SGSM3: variants seen among roughly 807,000 people sequenced by gnomAD.
SGSM3 encodes the protein small G protein signaling modulator 3.
A neutral mutation model predicts 100.5 loss-of-function variants in SGSM3; 96 were observed. The ratio of observed to expected loss-of-function variants is 0.96; its 90% CI spans 0.81 to 1.13. The LOEUF (loss-of-function observed/expected upper bound fraction) is 1.13, where lower values mean the gene tolerates loss of function less well. Ranked by LOEUF, SGSM3 falls within the 50% of genes most tolerant of loss-of-function variation. The pLI, the probability that SGSM3 is intolerant of heterozygous loss-of-function variation, is 0.00. For missense variants in SGSM3, 1,001 were observed against 1,015.8 expected (o/e 0.99, Z 0.20); for synonymous variants, 483 against 422.8 (o/e 1.14, Z -1.75).
Position 40,406,132 on chromosome 22 carries a change from A to G in SGSM3, c.869A>G (p.Asp290Gly). 6.2e-7 allele frequency: 1 copy of G among 1,614,096 alleles called. No individual in the cohort carries two copies. The highest frequency in any genetic ancestry group is 8.5e-7 in the Non-Finnish European group (1 of 1,180,022). Residue 290 changes from aspartate to glycine, a missense_variant, in exon 9 of 22, where the codon GAC (aspartate) becomes GGC (glycine). Asp to Gly is a moderately conservative substitution (Grantham distance 94). Transcript: ENST00000248929. The part of the protein sequence containing the change: ...WFLTAFASVV[D>G]IKLLLRIWDL... ...CTCACGGCCTTCGCCAGCGTGGTGG[A>G]CATCAAGCTGCTCCTGCGCATCTGG...
intron 1 of SGSM3, among the ~76,000 whole-genome samples, chr22:40,381,915 G>A (rs551267410): frequency 3.9e-5 from 6 of 152,268 alleles, no homozygotes; most frequent in East Asian, 3.9e-4. Context: ...GCCAAGATTC[G>A]CGCCACTGCA....
At chr22:40,403,654 G>A (rs866105867) in intron 4 of SGSM3, among the ~76,000 whole-genome samples, 11 of 152,164 alleles carry the variant, frequency 7.2e-5, no homozygotes, top group South Asian at 2.1e-4. Flanking sequence ...GAGTGGGCAC[G>A]GCCCAGAGGA....
chr22:40,389,197 C>T (rs1031569021), intron 1 of SGSM3, among the ~76,000 whole-genome samples: 2 of 152,176 alleles, frequency 1.3e-5, no homozygotes, highest in Non-Finnish European at 2.9e-5. Flanking sequence ...GCCAGAAAGC[C>T]AGGAGGAAAA....
At chr22:40,381,630 A>G (rs1431110223) in intron 1 of SGSM3, among the ~76,000 whole-genome samples, 3 of 152,194 alleles carry the variant, frequency 2.0e-5, no homozygotes, top group Non-Finnish European at 2.9e-5. Context: ...CCCAACATGT[A>G]TGTAAACTAT....
chr22:40,399,860 A>G (rs1464392996), intron 1 of SGSM3, among the ~76,000 whole-genome samples: 1 of 152,208 alleles, frequency 6.6e-6, no homozygotes, highest in Admixed American at 6.5e-5. Flanking sequence ...CCTCTGTAAC[A>G]GTCAGGAATG....
In SGSM3 at chr22:40,404,641, G is replaced by A. The variant is rs142415355; in HGVS notation, c.451G>A (p.Asp151Asn). 6.4e-5 allele frequency: 103 copies of A among 1,612,736 alleles called. No homozygotes were observed. In the African/African-American group the frequency reaches 1.1e-3, roughly 17 times the overall value. The stretch of plus-strand genomic sequence containing the variant: ...CGAGATTGTGAAGAACAGCTCCAAC[G>A]ATGAGACCATCGCTGCCAAGCAGGT... ...YREIVKNSSN[D>N]ETIAAKQIEK... The change falls in exon 6 of 22, where the codon GAT (aspartate) becomes AAT (asparagine). Residue 151 changes from aspartate to asparagine, a missense_variant. Physicochemically the swap from Asp to Asn is conservative, Grantham distance 23. Coordinates refer to ENST00000248929, the MANE Select transcript of SGSM3 (RefSeq NM_015705.6).
At chr22:40,399,413 T>C (rs2050446509) in intron 1 of SGSM3, among the ~76,000 whole-genome samples, 1 of 152,206 alleles carries the variant, frequency 6.6e-6, no homozygotes, top group South Asian at 2.1e-4. Flanking sequence ...GGAGGCGTAA[T>C]AGAGCACTGG....
chr22:40,388,116 T>A (rs1383817504), intron 1 of SGSM3: 2 of 152,184 alleles, frequency 1.3e-5, no homozygotes, highest in African/African-American at 4.8e-5. Flanking sequence ...GGAGTGGAGT[T>A]CAAGGTAGAG....
In SGSM3 at chr22:40,410,002, A is replaced by AG; in HGVS notation, c.*245dup. On this transcript the variant is annotated 3_prime_UTR_variant, in exon 22 of 22. Transcript: ENST00000248929. ...AGTTTGTACCAAAAACCTTGTGAGG[A>AG]GGTGGGGGAGCCATGTCTGTGCTCA... is the stretch of plus-strand genomic sequence containing the variant. 2 of 1,332,542 alleles carry AG rather than the reference A, an allele frequency of 1.5e-6. No homozygotes were observed. The highest frequency in any genetic ancestry group is 1.9e-6 in the Non-Finnish European group (2 of 1,047,448). The allele number at this position is 1,332,542 out of a possible 1,614,324, so 82.5% of individuals were successfully genotyped here. A position where few individuals can be genotyped will look rare whatever the true frequency, so the allele number is the denominator to read the frequency against.
chr22:40,379,169 A>G (rs1569139850), intron 1 of SGSM3, among the ~76,000 whole-genome samples: 3 of 152,230 alleles, frequency 2.0e-5, no homozygotes, highest in Admixed American at 2.0e-4. Context: ...TGGGACTTTC[A>G]AAGAAGGGAT....
At chr22:40,375,130 C>G (rs1000722731) in intron 1 of SGSM3, among the ~76,000 whole-genome samples, 2 of 152,160 alleles carry the variant, frequency 1.3e-5, no homozygotes, top group Non-Finnish European at 1.5e-5. Context: ...CTAATATATG[C>G]CTCTTTTGCA....
intron 1 of SGSM3, among the ~76,000 whole-genome samples, chr22:40,395,929 A>G (rs1252409067): frequency 1.3e-5 from 2 of 152,146 alleles, no homozygotes; most frequent in Non-Finnish European, 2.9e-5. Context: ...TTGTCTCTCT[A>G]CAAGCTATTT....
In SGSM3 at chr22:40,410,267, T is replaced by C. The variant is rs903517256; in HGVS notation, c.*508T>C. On this transcript the variant is annotated 3_prime_UTR_variant, in exon 22 of 22. Coordinates refer to ENST00000248929, the MANE Select transcript of SGSM3 (RefSeq NM_015705.6). Reference sequence around the variant, plus strand: ...TGTGCTACCCACCCCTTCCATGGACTGAATAAGATGGACTAACAGGCCTGT... The same window carrying C: ...TGTGCTACCCACCCCTTCCATGGACCGAATAAGATGGACTAACAGGCCTGT... 6 of 726,036 alleles carry C rather than the reference T, an allele frequency of 8.3e-6. No homozygotes were observed. Among genetic ancestry groups the C allele is most frequent in the Non-Finnish European group, 1.0e-5 (6 of 572,608 alleles). 45.0% of individuals were successfully genotyped at this position (726,036 alleles called of 1,614,324 possible). A position where few individuals can be genotyped will look rare whatever the true frequency, so the allele number is the denominator to read the frequency against.
intron 1 of SGSM3, among the ~76,000 whole-genome samples, chr22:40,385,778 C>T (rs768299858): frequency 3.3e-5 from 5 of 152,028 alleles, no homozygotes; most frequent in Non-Finnish European, 7.4e-5. Flanking sequence ...GCTGAGCAAC[C>T]GTGAAGATAA....
At chr22:40,403,956 C>T (rs79497002) in intron 4 of SGSM3, among the ~76,000 whole-genome samples, 5 of 152,262 alleles carry the variant, frequency 3.3e-5, no homozygotes, top group South Asian at 2.1e-4. Flanking sequence ...GAGGTGACTC[C>T]GAGGTTTAGG....
rs141833078 is a variant in SGSM3 at position 40,404,278 on chromosome 22, G to C, written c.189G>C (p.Ala63=). ...ATGAGCCTGGCTCCAGTCTGCTGGC[G>C]AACTCCCCTCTGATGGAGGATGCTC... The part of the protein sequence containing the change: ...EGDEPGSSLL[A]NSPLMEDAPQ... The change falls in exon 5 of 22, where the codon GCG becomes GCC. Residue 63 remains alanine (A), a synonymous_variant. Transcript: ENST00000248929. 3.9e-6 allele frequency: 6 copies of C among 1,520,948 alleles called. No individual in the cohort carries two copies. The highest frequency in any genetic ancestry group is 5.3e-6 in the Non-Finnish European group (6 of 1,133,984). 94.2% of individuals were successfully genotyped at this position (1,520,948 alleles called of 1,614,324 possible).
chr22:40,407,115 C>G lies in SGSM3; in HGVS notation c.1240+44C>G. 6.2e-7 allele frequency: 1 copy of G among 1,608,348 alleles called. No individual in the cohort carries two copies. The highest frequency in any genetic ancestry group is 8.5e-7 in the Non-Finnish European group (1 of 1,177,412). On this transcript the variant is annotated intron_variant, in intron 11 of 21. Coordinates refer to ENST00000248929, the MANE Select transcript of SGSM3 (RefSeq NM_015705.6). The surrounding 1 kb of genome is among the most constrained non-coding windows in gnomAD (Gnocchi z 4.7). ...CCAGGCAGTGTGGGCATGCGGGAGT[C>G]TGTCCTCACGCTCATGTGGACGTGG...
chr22:40,401,722 G>A lies in SGSM3; in HGVS notation c.90+47G>A, dbSNP rs762896514. The A allele has an allele frequency of 2.6e-5, 39 of 1,526,000 alleles. No individual in the cohort carries two copies. In the South Asian group the frequency reaches 4.1e-4, roughly 16 times the overall value. 94.5% of individuals were successfully genotyped at this position (1,526,000 alleles called of 1,614,324 possible). On this transcript the variant is annotated intron_variant, in intron 3 of 21. Transcript: ENST00000248929. ...CAGCCTGCTGTGCTCCCACGCTGTG[G>A]TATGAAGGGGACCCAGCTCTGCAGG...
intron 1 of SGSM3, among the ~76,000 whole-genome samples, chr22:40,382,132 A>G (rs1040220742): frequency 7.2e-5 from 11 of 152,130 alleles, no homozygotes; most frequent in African/African-American, 2.7e-4. Context: ...GGTGCCTGCC[A>G]TGTGAGGTCA....
Sources: gnomAD v4.1 joint callset for allele counts (sites outside exome capture counted in the v4.1 genomes callset) on GRCh38, gnomAD v4.1.1 for gene constraint, Gnocchi (gnomAD v3.1) non-coding constraint, MANE v1.5 for transcripts, NCBI Gene and HGNC (gene_info 2026-07-23, HGNC 2026-07-21) for gene names.